Variants in HDAC8 observed in about 807,000 individuals in gnomAD.
HDAC8 encodes the protein histone deacetylase 8.
A neutral mutation model predicts 32.2 loss-of-function variants in HDAC8; 1 was observed. The observed-to-expected ratio is 0.03, with a 90% CI of 0.01 to 0.15. HDAC8 has a LOEUF of 0.15. HDAC8 is among the 10% of genes least tolerant of loss of function. The pLI is 1.00. For synonymous variants in HDAC8, 108 were observed against 113.9 expected (o/e 0.95, Z 0.33); for missense variants, 117 against 300.0 (o/e 0.39, Z 4.51).
chrX:72,474,224 A>C (rs782070587), intron 7 of HDAC8: 31 of 744,330 alleles, frequency 4.2e-5, no homozygotes, highest in Non-Finnish European at 4.4e-5. Context: ...ACAGCATTCT[A>C]TCTCTTATGG....
At chrX:72,474,215 C>T (rs1264499137) in intron 7 of HDAC8, 3 of 747,115 alleles carry the variant, frequency 4.0e-6, no homozygotes, top group Non-Finnish European at 4.7e-6. Flanking sequence ...TGAATACCCA[C>T]AGCATTCTAT....
At chrX:72,418,421 CAT>C (rs2046402834) in intron 9 of HDAC8, among the ~76,000 whole-genome samples, 1 of 111,709 alleles carries the variant, frequency 9.0e-6, no homozygotes, top group Non-Finnish European at 1.9e-5. Flanking sequence ...GGCTAACAAA[CAT>C]AGGAAAAAAT....
chrX:72,346,958 T>C (rs2044047489), intron 10 of HDAC8, among the ~76,000 whole-genome samples: 1 of 111,006 alleles, frequency 9.0e-6, no homozygotes, highest in Non-Finnish European at 1.9e-5. Context: ...GCAGACGGGA[T>C]GATGAGCAGA....
At position 72,405,626 on chromosome X, in the gene HDAC8, G is replaced by A. The variant is rs1050528307; in HGVS notation, c.1006-53788C>T. Among the ~76,000 whole-genome samples, 4 of 112,172 alleles carry A rather than the reference G, an allele frequency of 3.6e-5. No homozygotes were observed. In the Admixed American group the frequency reaches 3.8e-4, roughly 11 times the overall value. ...TTTCTCTGCAACCTCACCACCATCTGTTAATTTTTGGCTTTTTAATAATAG... is the reference window on the plus strand; with the variant it reads ...TTTCTCTGCAACCTCACCACCATCTATTAATTTTTGGCTTTTTAATAATAG... On this transcript the variant is annotated intron_variant, in intron 9 of 10. Coordinates refer to ENST00000373573, the MANE Select transcript of HDAC8 (RefSeq NM_018486.3).
At chrX:72,504,338 C>T (rs1048867805) in intron 4 of HDAC8, among the ~76,000 whole-genome samples, 4 of 111,836 alleles carry the variant, frequency 3.6e-5, no homozygotes, top group Non-Finnish European at 7.5e-5. Flanking sequence ...CACTCTCATC[C>T]GCCTTCCAGC....
rs144001670 is a variant in HDAC8, at chrX:72,390,999, G to A, written c.1006-39161C>T. Among the ~76,000 whole-genome samples the A allele has an allele frequency of 7.1e-5, 8 of 111,936 alleles. No individual in the cohort carries two copies. In the East Asian group the frequency reaches 2.3e-3, roughly 32 times the overall value. On this transcript the variant is annotated intron_variant, in intron 9 of 10. Coordinates refer to ENST00000373573, the MANE Select transcript of HDAC8 (RefSeq NM_018486.3). ...CATATTTTGCTGTCAAGGCTGTTCA[G>A]CACAGACAACTCATATCTTTATTAT...
At chrX:72,342,098 C>T (rs1234323562) in intron 10 of HDAC8, among the ~76,000 whole-genome samples, 2 of 112,658 alleles carry the variant, frequency 1.8e-5, no homozygotes, top group Non-Finnish European at 3.7e-5. Flanking sequence ...TCACAATAGA[C>T]TTGAAATTCT....
chrX:72,440,346 GC>G (rs2047089864), intron 9 of HDAC8, among the ~76,000 whole-genome samples: 1 of 111,746 alleles, frequency 8.9e-6, no homozygotes, highest in African/African-American at 3.3e-5. Context: ...GAAATTTATA[GC>G]ACTAAGTGCC....
At chrX:72,338,007 A>G (rs782389174) in intron 10 of HDAC8, among the ~76,000 whole-genome samples, 1 of 111,930 alleles carries the variant, frequency 8.9e-6, no homozygotes, top group African/African-American at 3.2e-5. Flanking sequence ...TCTCAACCCC[A>G]AAGTCACTTC....
At chrX:72,461,291 G>A (rs1431761188) in intron 9 of HDAC8, among the ~76,000 whole-genome samples, 2 of 111,722 alleles carry the variant, frequency 1.8e-5, no homozygotes, top group African/African-American at 6.5e-5. Context: ...TGGGGTGATA[G>A]GTAGGAACAA....
At chrX:72,428,971 C>T (rs183138551) in intron 9 of HDAC8, among the ~76,000 whole-genome samples, 14 of 110,001 alleles carry the variant, frequency 1.3e-4, no homozygotes, top group African/African-American at 4.6e-4. Flanking sequence ...AGTAAAGTAC[C>T]TGGTAAATAG....
At chrX:72,527,075 T>C (rs1398601321) in intron 4 of HDAC8, among the ~76,000 whole-genome samples, 1 of 111,652 alleles carries the variant, frequency 9.0e-6, no homozygotes, top group Non-Finnish European at 1.9e-5. Flanking sequence ...GTCCAAACAC[T>C]TTAGTATGTT....
intron 4 of HDAC8, among the ~76,000 whole-genome samples, chrX:72,531,211 G>A (rs1556035655): frequency 8.9e-6 from 1 of 112,233 alleles, no homozygotes; most frequent in Admixed American, 9.4e-5. Context: ...TCTATTTCAT[G>A]TGAAAAGCAC....
chrX:72,514,868 C>T (rs1184027922), intron 4 of HDAC8, among the ~76,000 whole-genome samples: 1 of 111,254 alleles, frequency 9.0e-6, no homozygotes, highest in Non-Finnish European at 1.9e-5. Context: ...AGAGGTCAAT[C>T]CAAATAACTT....
At chrX:72,527,809 C>G (rs1339580258) in intron 4 of HDAC8, among the ~76,000 whole-genome samples, 2 of 88,736 alleles carry the variant, frequency 2.3e-5, no homozygotes, top group Admixed American at 1.4e-4. Context: ...GAGTTTTGCT[C>G]TTGTCACCCA....
At chrX:72,529,701 A>AT (rs1463385619) in intron 4 of HDAC8, among the ~76,000 whole-genome samples, 2 of 111,933 alleles carry the variant, frequency 1.8e-5, no homozygotes, top group African/African-American at 3.3e-5. Flanking sequence ...GAATAAGTAG[A>AT]TTTTTTTTAC....
At chrX:72,426,726 C>T (rs189857478) in intron 9 of HDAC8, among the ~76,000 whole-genome samples, 1 of 110,427 alleles carries the variant, frequency 9.1e-6, no homozygotes, top group African/African-American at 3.3e-5. Context: ...TATGCAGTCA[C>T]AAGTTTTATG....
At position 72,501,647 on chromosome X, in the gene HDAC8, A is replaced by C. The variant is rs781882764; in HGVS notation, c.438-6379T>G. Among the ~76,000 whole-genome samples, 6 of 112,348 alleles carry C rather than the reference A, an allele frequency of 5.3e-5. No homozygotes were observed. In the East Asian group the frequency reaches 1.7e-3, roughly 31 times the overall value. On this transcript the variant is annotated intron_variant, in intron 4 of 10. Transcript: ENST00000373573. Reference sequence around the variant, plus strand: ...AAGATGGATCAAAGACTTAAATGTAAAACCCAAAACTATAAAAACCCTGGA... The same window carrying C: ...AAGATGGATCAAAGACTTAAATGTACAACCCAAAACTATAAAAACCCTGGA...
chrX:72,540,626 T>A (rs2050674264), intron 4 of HDAC8, among the ~76,000 whole-genome samples: 1 of 110,909 alleles, frequency 9.0e-6, no homozygotes, highest in South Asian at 3.9e-4. Context: ...GTGAGCACTG[T>A]AATCTCTGAC....
Sources: gnomAD v4.1 joint callset for allele counts (sites outside exome capture counted in the v4.1 genomes callset) on GRCh38, gnomAD v4.1.1 for gene constraint, MANE v1.5 for transcripts, NCBI Gene and HGNC (gene_info 2026-07-23, HGNC 2026-07-21) for gene names.